The following BCAS3 variants were observed in gnomAD, a reference collection of about 807,000 sequenced individuals.
BCAS3 encodes the protein BCAS4/BCAS3 fusion.
A neutral mutation model predicts 116.1 loss-of-function variants in BCAS3; 53 were observed. The observed-to-expected ratio is 0.46, with a 90% CI of 0.37 to 0.57. BCAS3 has a LOEUF of 0.57. Ranked by LOEUF, BCAS3 falls within the 20% of genes least tolerant of loss-of-function variation. The pLI is 0.00. For synonymous variants in BCAS3, 391 were observed against 408.2 expected (o/e 0.96, Z 0.51); for missense variants, 917 against 1,165.4 (o/e 0.79, Z 3.10).
intron 22 of BCAS3, among the ~76,000 whole-genome samples, chr17:61,165,690 AAAAC>A (rs559052743): frequency 2.7e-4 from 41 of 152,338 alleles, no homozygotes; most frequent in South Asian, 1.0e-3. Flanking sequence ...CTGTCTCAGA[AAAAC>A]AAACAAACAA....
Position 61,021,227 on chromosome 17 carries a change from G to A in BCAS3, c.1637+5326G>A, listed in dbSNP as rs1309718314. ...GGTGTGTGCCACCATGCCTGTCTAA[G>A]TTTTGTATTTTTTGTAGAGATTGGG... On this transcript the variant is annotated intron_variant, in intron 16 of 23. Coordinates refer to ENST00000407086, the MANE Select transcript of BCAS3 (RefSeq NM_017679.5). The surrounding 1 kb of genome is among the most constrained non-coding windows in gnomAD (Gnocchi z 4.6). Among the ~76,000 whole-genome samples, 1 of 151,888 alleles carries A rather than the reference G, an allele frequency of 6.6e-6. No homozygotes were observed. Among genetic ancestry groups the A allele is most frequent in the Non-Finnish European group, 1.5e-5 (1 of 67,936 alleles).
Position 61,380,439 on chromosome 17 carries a change from C to A in BCAS3, c.2594-11538C>A. 6.8e-7 allele frequency: 1 copy of A among 1,461,042 alleles called. No individual in the cohort carries two copies. Among genetic ancestry groups the A allele is most frequent in the Non-Finnish European group, 9.4e-7 (1 of 1,065,856 alleles). 90.5% of individuals were successfully genotyped at this position (1,461,042 alleles called of 1,614,324 possible). The stretch of plus-strand genomic sequence containing the variant: ...GGGTATCGACTCACTTTGATCTCAG[C>A]TCTTCCTGCTCTCTTAAAGGTCCAG... On this transcript the variant is annotated intron_variant, in intron 23 of 23. Transcript: ENST00000407086. This position sits in a 1 kb window ranked among gnomAD's most constrained non-coding sequence, Gnocchi z 4.2.
At chr17:60,699,784 G>T (rs60865264) in intron 4 of BCAS3, among the ~76,000 whole-genome samples, 10,525 of 151,528 alleles carry the variant, frequency 0.069, 1,217 homozygotes, top group African/African-American at 0.24. Context: ...AAGAGCAGTT[G>T]GCTGGGAGGT....
At chr17:60,853,516 T>A (rs944855338) in intron 7 of BCAS3, among the ~76,000 whole-genome samples, 1 of 152,232 alleles carries the variant, frequency 6.6e-6, no homozygotes, top group African/African-American at 2.4e-5. Flanking sequence ...AAAATAACCT[T>A]TTTTATTTTT....
Position 61,258,678 on chromosome 17 carries a change from A to G in BCAS3, c.2426-109649A>G, listed in dbSNP as rs1409731064. Among the ~76,000 whole-genome samples, 1 of 152,234 alleles carries G rather than the reference A, an allele frequency of 6.6e-6. No individual in the cohort carries two copies. The highest frequency in any genetic ancestry group is 1.5e-5 in the Non-Finnish European group (1 of 68,032). On this transcript the variant is annotated intron_variant, in intron 22 of 23. Transcript: ENST00000407086. The surrounding 1 kb of genome is among the most constrained non-coding windows in gnomAD (Gnocchi z 4.7). Reference sequence around the variant, plus strand: ...TTCACTCCTTATTGCATGATTTTCTAAAGTGGAGAATTTTGGATAATAAAT... The same window carrying G: ...TTCACTCCTTATTGCATGATTTTCTGAAGTGGAGAATTTTGGATAATAAAT...
chr17:61,126,993 G>A lies in BCAS3; in HGVS notation c.2425+42429G>A, dbSNP rs2076079432. ...TACACCCTTCGTCACAGGCACTTAA[G>A]TTTTAGATTGCATTTAAATTAGGAT... On this transcript the variant is annotated intron_variant, in intron 22 of 23. Coordinates refer to ENST00000407086, the MANE Select transcript of BCAS3 (RefSeq NM_017679.5). This position sits in a 1 kb window ranked among gnomAD's most constrained non-coding sequence, Gnocchi z 4.6. Among the ~76,000 whole-genome samples, 1 of 152,022 alleles carries A rather than the reference G, an allele frequency of 6.6e-6. No individual in the cohort carries two copies. The highest frequency in any genetic ancestry group is 2.1e-4 in the South Asian group (1 of 4,822).
intron 22 of BCAS3, among the ~76,000 whole-genome samples, chr17:61,357,254 A>AATT (rs2058192072): frequency 1.4e-5 from 2 of 145,008 alleles, no homozygotes; most frequent in Non-Finnish European, 3.0e-5. Context: ...AAAAATAAAT[A>AATT]AATAAATAAA....
At chr17:61,207,639 T>A (rs1471100434) in intron 22 of BCAS3, among the ~76,000 whole-genome samples, 1 of 152,076 alleles carries the variant, frequency 6.6e-6, no homozygotes, top group African/African-American at 2.4e-5. Context: ...AGTGAACATC[T>A]TTATACATAT....
chr17:61,375,246 G>GTGTGTGCGCGCGCGCGCGCGCGCGCACA (rs1555861730), intron 23 of BCAS3, among the ~76,000 whole-genome samples: 4 of 150,666 alleles, frequency 2.7e-5, no homozygotes, highest in African/African-American at 1.0e-4. Flanking sequence ...GTGTGTGTGT[G>GTGTGTGCGCGCGCGCGCGCGCGCGCACA]TGTGTGTGTA....
At chr17:60,828,941 GT>G (rs2050670420) in intron 7 of BCAS3, among the ~76,000 whole-genome samples, 1 of 152,106 alleles carries the variant, frequency 6.6e-6, no homozygotes, top group Non-Finnish European at 1.5e-5. Context: ...AGAAGGTGCT[GT>G]TGGTATCTAG....
chr17:61,178,766 A>C (rs1601750898), intron 22 of BCAS3, among the ~76,000 whole-genome samples: 1 of 152,212 alleles, frequency 6.6e-6, no homozygotes. Context: ...GCTTAAAATC[A>C]AATAAATATT....
chr17:61,015,718 C>T (rs1317272221), intron 15 of BCAS3, 33 bp from the exon 16 acceptor site: 1 of 1,610,278 alleles, frequency 6.2e-7, no homozygotes, highest in East Asian at 2.2e-5. Flanking sequence ...GAACCTTCCT[C>T]AGTGATGCTT....
At chr17:61,389,668 AAC>A (rs2143683488) in intron 23 of BCAS3, 1 of 152,338 alleles carries the variant, frequency 6.6e-6, no homozygotes, top group South Asian at 2.1e-4. Context: ...ACCCGGGTCT[AAC>A]TGGCAAAGGG....
chr17:61,113,058 T>TAC, intron 22 of BCAS3, among the ~76,000 whole-genome samples: 1 of 42,980 alleles, frequency 2.3e-5, no homozygotes, highest in African/African-American at 3.5e-5. Flanking sequence ...AGAAACAACA[T>TAC]ACCAGAATCT....
intron 6 of BCAS3, among the ~76,000 whole-genome samples, chr17:60,789,242 T>C (rs1407778010): frequency 6.6e-6 from 1 of 152,200 alleles, no homozygotes; most frequent in East Asian, 1.9e-4. Flanking sequence ...CTGGGTCTAT[T>C]TTTGGACCCA....
rs1486850599 is a variant in BCAS3 at position 61,131,301 on chromosome 17, C to T, written c.2425+46737C>T. ...GTTCTTACTTGGAAAGTTTCATTTC[C>T]TAATGACATCACTGAAACAGCAGGT... On this transcript the variant is annotated intron_variant, in intron 22 of 23. Coordinates refer to ENST00000407086, the MANE Select transcript of BCAS3 (RefSeq NM_017679.5). The surrounding 1 kb of genome is among the most constrained non-coding windows in gnomAD (Gnocchi z 4.4). Among the ~76,000 whole-genome samples the T allele has an allele frequency of 6.6e-6, 1 of 152,104 alleles. No individual in the cohort carries two copies. The highest frequency in any genetic ancestry group is 1.9e-4 in the East Asian group (1 of 5,194).
intron 20 of BCAS3, 28 bp downstream of exon 20, chr17:61,075,048 A>C (rs780581801): frequency 1.3e-6 from 2 of 1,530,052 alleles, no homozygotes; most frequent in Non-Finnish European, 1.8e-6. Context: ...TGAGAGTATT[A>C]AAGTAAAATA....
chr17:60,761,527 G>T (rs556955015), intron 6 of BCAS3, among the ~76,000 whole-genome samples: 156 of 152,198 alleles, frequency 1.0e-3, no homozygotes, highest in African/African-American at 3.4e-3. Flanking sequence ...CCCTGCAAAG[G>T]ACATGAACTC....
At chr17:61,271,901 C>G (rs575335457) in intron 22 of BCAS3, among the ~76,000 whole-genome samples, 2 of 152,192 alleles carry the variant, frequency 1.3e-5, no homozygotes, top group Non-Finnish European at 2.9e-5. Flanking sequence ...CCTCACACTC[C>G]TGAGCCCAAG....
Sources: allele counts gnomAD v4.1 joint callset (sites outside exome capture counted in the v4.1 genomes callset), GRCh38; gene constraint gnomAD v4.1.1; non-coding constraint Gnocchi (gnomAD v3.1); transcripts MANE v1.5; gene names NCBI Gene and HGNC (gene_info 2026-07-23, HGNC 2026-07-21).